The following C8orf34 variants were observed in gnomAD, a reference collection of about 807,000 sequenced individuals.
C8orf34 encodes the protein uncharacterized protein C8orf34.
In C8orf34, 65 loss-of-function variants were observed where a neutral mutation model predicts 68.3. The observed-to-expected ratio is 0.95, with a 90% CI of 0.78 to 1.17. The LOEUF (loss-of-function observed/expected upper bound fraction) is 1.17. Ranked by LOEUF, C8orf34 falls within the 50% of genes most tolerant of loss-of-function variation. The probability of loss-of-function intolerance (pLI) is 0.00; values close to 1 mark genes in which losing one functional copy is unlikely to be tolerated. For missense variants in C8orf34, 664 were observed against 655.4 expected (o/e 1.01, Z -0.14); for synonymous variants, 244 against 241.2 (o/e 1.01, Z -0.11).
intron 8 of C8orf34, among the ~76,000 whole-genome samples, chr8:68,665,815 C>T (rs547613157): frequency 2.1e-5 from 3 of 145,130 alleles, no homozygotes; most frequent in Admixed American, 6.8e-5. Flanking sequence ...CTCAAAGTAT[C>T]GTCACTTATT....
At position 68,490,420 on chromosome 8, in the gene C8orf34, C is replaced by T. The variant is rs186482629; in HGVS notation, c.765+2369C>T. 2.6e-5 allele frequency among the ~76,000 whole-genome samples: 4 copies of T among 152,138 alleles called. No individual in the cohort carries two copies. In the East Asian group the frequency reaches 7.7e-4, roughly 29 times the overall value. ...GTTCTTGGAACTGAAACAGATATAA[C>T]CCTCACAGGATAAATTATGGATGCC... On this transcript the variant is annotated intron_variant, in intron 5 of 13. Transcript: ENST00000518698.
At chr8:68,790,750 A>C (rs1350831849) in intron 12 of C8orf34, 3 of 597,868 alleles carry the variant, frequency 5.0e-6, no homozygotes, top group Non-Finnish European at 8.9e-6. Flanking sequence ...AAACAAATCA[A>C]ATTCCAAATA....
chr8:68,652,314 A>G (rs1755935368), intron 8 of C8orf34, among the ~76,000 whole-genome samples: 1 of 152,214 alleles, frequency 6.6e-6, no homozygotes, highest in South Asian at 2.1e-4. Context: ...TTATGTATCT[A>G]GACCTTTATC....
intron 1 of C8orf34, chr8:68,438,125 T>G (rs1810740370): frequency 6.6e-6 from 1 of 152,168 alleles, no homozygotes; most frequent in South Asian, 2.1e-4. Flanking sequence ...GATCGAATCA[T>G]TGATTCATTC....
intron 8 of C8orf34, among the ~76,000 whole-genome samples, chr8:68,649,133 A>G (rs1243752287): frequency 3.9e-5 from 6 of 152,214 alleles, no homozygotes; most frequent in African/African-American, 1.4e-4. Context: ...GATTACTATC[A>G]CTTGTTTAAA....
intron 1 of C8orf34, among the ~76,000 whole-genome samples, chr8:68,376,749 G>A (rs72664917): frequency 0.075 from 11,385 of 152,044 alleles, 720 homozygotes; most frequent in African/African-American, 0.18. Context: ...AACCCATACT[G>A]AGTTCTTCGT....
At chr8:68,478,143 A>G (rs901623667) in intron 4 of C8orf34, among the ~76,000 whole-genome samples, 1 of 152,172 alleles carries the variant, frequency 6.6e-6, no homozygotes, top group Non-Finnish European at 1.5e-5. Context: ...TTTCTACCAC[A>G]TAGTCAGCCT....
chr8:68,342,923 T>C (rs1355455820), intron 1 of C8orf34, among the ~76,000 whole-genome samples: 1 of 152,134 alleles, frequency 6.6e-6, no homozygotes, highest in African/African-American at 2.4e-5. Context: ...AGTCATAGGC[T>C]GAGGTTGCTA....
rs562310930 is a variant in C8orf34, at chr8:68,332,608, C to A, written c.327+1269C>A. 3.9e-5 allele frequency among the ~76,000 whole-genome samples: 6 copies of A among 151,936 alleles called. No individual in the cohort carries two copies. In the South Asian group the frequency reaches 1.3e-3, roughly 32 times the overall value. On this transcript the variant is annotated intron_variant, in intron 1 of 13. Coordinates refer to ENST00000518698, the MANE Select transcript of C8orf34 (RefSeq NM_052958.4). ...AAAATAATGCGAGTTAATGACCCTG[C>A]AAAAAAAGGGCGCGGAGGACAAAGG...
At chr8:68,487,777 G>A (rs1563479859) in intron 4 of C8orf34, among the ~76,000 whole-genome samples, 1 of 152,142 alleles carries the variant, frequency 6.6e-6, no homozygotes, top group Non-Finnish European at 1.5e-5. Flanking sequence ...AAGGAATATG[G>A]CGCTGCTTTG....
intron 12 of C8orf34, among the ~76,000 whole-genome samples, chr8:68,794,139 T>C (rs1355798532): frequency 1.3e-5 from 2 of 152,032 alleles, no homozygotes; most frequent in Non-Finnish European, 2.9e-5. Flanking sequence ...ATTTTTGATA[T>C]TTTTGATTTC....
chr8:68,629,661 T>C (rs1365154521), intron 7 of C8orf34, among the ~76,000 whole-genome samples: 1 of 152,202 alleles, frequency 6.6e-6, no homozygotes, highest in African/African-American at 2.4e-5. Flanking sequence ...GACATACTTC[T>C]AAGAAACTGA....
intron 8 of C8orf34, among the ~76,000 whole-genome samples, chr8:68,645,588 A>T (rs1205832405): frequency 2.0e-5 from 3 of 152,166 alleles, no homozygotes; most frequent in Non-Finnish European, 4.4e-5. Context: ...GTTGTTTCTT[A>T]AGAGTTTCAA....
chr8:68,518,975 C>A (rs867105768), intron 5 of C8orf34, among the ~76,000 whole-genome samples: 1 of 150,938 alleles, frequency 6.6e-6, no homozygotes, highest in South Asian at 2.1e-4. Context: ...AGAACAGTGG[C>A]AATCAAGGGT....
intron 10 of C8orf34, among the ~76,000 whole-genome samples, chr8:68,744,035 C>A (rs558554450): frequency 6.6e-6 from 1 of 152,284 alleles, no homozygotes; most frequent in East Asian, 1.9e-4. Context: ...AGCTGGAGAT[C>A]TGAGAACGGG....
chr8:68,814,461 A>G (rs1195044731), intron 12 of C8orf34, among the ~76,000 whole-genome samples: 3 of 152,240 alleles, frequency 2.0e-5, no homozygotes, highest in African/African-American at 4.8e-5. Context: ...TTCCATGTAT[A>G]AGATTTCTAA....
chr8:68,467,566 C>T (rs1036391080), intron 3 of C8orf34, among the ~76,000 whole-genome samples: 4 of 151,854 alleles, frequency 2.6e-5, no homozygotes, highest in East Asian at 1.9e-4. Context: ...ACTATCTTCC[C>T]GAGAATTCCC....
chr8:68,482,273 G>GT (rs1286976876), intron 4 of C8orf34, among the ~76,000 whole-genome samples: 1 of 152,116 alleles, frequency 6.6e-6, no homozygotes, highest in African/African-American at 2.4e-5. Flanking sequence ...GTGTGGAACT[G>GT]TAAGTCCAAT....
intron 10 of C8orf34, among the ~76,000 whole-genome samples, chr8:68,743,551 C>T (rs149299730): frequency 0.081 from 12,318 of 152,226 alleles, 533 homozygotes; most frequent in Middle Eastern, 0.15. Context: ...CGAACCAGGG[C>T]GAGGCATTGC....
Sources: gnomAD v4.1 joint callset for allele counts (sites outside exome capture counted in the v4.1 genomes callset) on GRCh38, gnomAD v4.1.1 for gene constraint, MANE v1.5 for transcripts, NCBI Gene and HGNC (gene_info 2026-07-23, HGNC 2026-07-21) for gene names.